Variants in LHFPL6 observed in about 807,000 individuals in gnomAD.
LHFPL6 encodes the protein LHFPL tetraspan subfamily member 6.
In LHFPL6, 9 loss-of-function variants were observed where a neutral mutation model predicts 20.6. The observed-to-expected ratio is 0.44, with a 90% CI of 0.26 to 0.76. The LOEUF (loss-of-function observed/expected upper bound fraction) is 0.76, where lower values mean the gene tolerates loss of function less well. Ranked by LOEUF, LHFPL6 falls within the 30% of genes least tolerant of loss-of-function variation. The probability of loss-of-function intolerance (pLI) is 0.20; values close to 1 mark genes in which losing one functional copy is unlikely to be tolerated. For synonymous variants in LHFPL6, 105 were observed against 98.7 expected, an observed-to-expected ratio of 1.06 and a Z score of -0.38; for missense variants, 218 against 253.5, an observed-to-expected ratio of 0.86 and a Z score of 0.95.
chr13:39,479,080 T>TAGACAGAC (rs1555264221), intron 2 of LHFPL6, among the ~76,000 whole-genome samples: 3 of 147,248 alleles, frequency 2.0e-5, no homozygotes, highest in Admixed American at 1.4e-4. Context: ...GATAGATAGA[T>TAGACAGAC]AGACAGACAT....
intron 2 of LHFPL6, among the ~76,000 whole-genome samples, chr13:39,597,696 G>C (rs2138554739): frequency 6.6e-6 from 1 of 152,286 alleles, no homozygotes; most frequent in East Asian, 1.9e-4. Context: ...TTTCTGTACA[G>C]ATTACCACAG....
chr13:39,385,318 C>A (rs767432480), intron 2 of LHFPL6, among the ~76,000 whole-genome samples: 14 of 152,148 alleles, frequency 9.2e-5, no homozygotes, highest in Non-Finnish European at 1.3e-4. Flanking sequence ...GAGTGCCCTG[C>A]GGTTTTTGGG....
At chr13:39,475,007 G>C (rs537690072) in intron 2 of LHFPL6, among the ~76,000 whole-genome samples, 3 of 152,314 alleles carry the variant, frequency 2.0e-5, no homozygotes, top group South Asian at 4.1e-4. Context: ...TGCTTTCCCA[G>C]AGAATTATAA....
chr13:39,484,543 C>T (rs1593331066), intron 2 of LHFPL6, among the ~76,000 whole-genome samples: 1 of 152,130 alleles, frequency 6.6e-6, no homozygotes, highest in African/African-American at 2.4e-5. Context: ...TTCCTTTGCT[C>T]CCCTCCCTTT....
At chr13:39,563,816 A>C (rs554329947) in intron 2 of LHFPL6, among the ~76,000 whole-genome samples, 8 of 152,286 alleles carry the variant, frequency 5.3e-5, no homozygotes, top group African/African-American at 1.9e-4. Context: ...GTACCAGCTA[A>C]CTCAGGGGAC....
intron 2 of LHFPL6, among the ~76,000 whole-genome samples, chr13:39,537,434 T>A (rs182657346): frequency 6.6e-6 from 1 of 152,240 alleles, no homozygotes; most frequent in Non-Finnish European, 1.5e-5. Context: ...GGCAGATTTA[T>A]CCTTACAGCT....
At chr13:39,543,448 G>GT (rs1410142788) in intron 2 of LHFPL6, among the ~76,000 whole-genome samples, 4 of 152,132 alleles carry the variant, frequency 2.6e-5, no homozygotes, top group African/African-American at 9.7e-5. Flanking sequence ...TCATGGTGCT[G>GT]GCACATAATA....
At chr13:39,515,211 A>G (rs1869866630) in intron 2 of LHFPL6, among the ~76,000 whole-genome samples, 1 of 152,234 alleles carries the variant, frequency 6.6e-6, no homozygotes, top group Admixed American at 6.5e-5. Flanking sequence ...TTCCACTCAC[A>G]AAGCAATCCA....
intron 2 of LHFPL6, among the ~76,000 whole-genome samples, chr13:39,463,460 T>C (rs945215597): frequency 3.3e-5 from 5 of 152,206 alleles, no homozygotes; most frequent in African/African-American, 1.2e-4. Flanking sequence ...TATAAAACTA[T>C]TCAGCATAAC....
rs74044051 is a variant in LHFPL6, at chr13:39,406,247, T to C, written c.386-27721A>G. ...CATTTGAGGAAGAATTGTGTCAGGA[T>C]AGTATCAATGTATGACTTTTTGTGC... On this transcript the variant is annotated intron_variant, in intron 2 of 3. Coordinates refer to ENST00000379589, the MANE Select transcript of LHFPL6 (RefSeq NM_005780.3). Among the ~76,000 whole-genome samples the C allele has an allele frequency of 3.8e-3, 584 of 152,328 alleles. 3 individuals are homozygous for C. The highest frequency in any genetic ancestry group is 0.014 in the African/African-American group (562 of 41,574).
intron 2 of LHFPL6, among the ~76,000 whole-genome samples, chr13:39,523,646 A>G (rs1428759565): frequency 6.6e-6 from 1 of 152,116 alleles, no homozygotes; most frequent in Non-Finnish European, 1.5e-5. Context: ...CTTCACTGGC[A>G]GTTCCAGAGA....
intron 2 of LHFPL6, among the ~76,000 whole-genome samples, chr13:39,536,763 A>G (rs1870632331): frequency 6.6e-6 from 1 of 152,178 alleles, no homozygotes; most frequent in South Asian, 2.1e-4. Flanking sequence ...TTCTACTTGA[A>G]CTAGTTTAAT....
At chr13:39,388,629 T>C (rs1870627318) in intron 2 of LHFPL6, among the ~76,000 whole-genome samples, 1 of 152,182 alleles carries the variant, frequency 6.6e-6, no homozygotes, top group Non-Finnish European at 1.5e-5. Context: ...GGTAACACCT[T>C]GAACATTTAT....
Position 39,343,890 on chromosome 13 carries a change from C to T in LHFPL6, c.*46G>A. 6.8e-7 allele frequency: 1 copy of T among 1,475,920 alleles called. No homozygotes were observed. The highest frequency in any genetic ancestry group is 9.5e-7 in the Non-Finnish European group (1 of 1,057,920). The allele number at this position is 1,475,920 out of a possible 1,614,324, so 91.4% of individuals were successfully genotyped here. A position where few individuals can be genotyped will look rare whatever the true frequency, so the allele number is the denominator to read the frequency against. On this transcript the variant is annotated 3_prime_UTR_variant, in exon 4 of 4. Coordinates refer to ENST00000379589, the MANE Select transcript of LHFPL6 (RefSeq NM_005780.3). ...AGGTGGATGTTTTGACCTCTCCAAGCCCCTTTGGCCCATCTTCTCCTCTGT... is the reference window on the plus strand; with the variant it reads ...AGGTGGATGTTTTGACCTCTCCAAGTCCCTTTGGCCCATCTTCTCCTCTGT...
chr13:39,426,476 T>C (rs1168691248), intron 2 of LHFPL6, among the ~76,000 whole-genome samples: 2 of 152,188 alleles, frequency 1.3e-5, no homozygotes, highest in Non-Finnish European at 2.9e-5. Context: ...CACCTCGGCC[T>C]TCCAAAGTGC....
At position 39,578,054 on chromosome 13, in the gene LHFPL6, A is replaced by C. The variant is rs527480766; in HGVS notation, c.385+22778T>G. ...GGCAGCTTGCCAGAAAAGACACGTTATCCATCAACCAAGACTGAATTGAAG... is the reference window on the plus strand; with the variant it reads ...GGCAGCTTGCCAGAAAAGACACGTTCTCCATCAACCAAGACTGAATTGAAG... On this transcript the variant is annotated intron_variant, in intron 2 of 3. Coordinates refer to ENST00000379589, the MANE Select transcript of LHFPL6 (RefSeq NM_005780.3). Among the ~76,000 whole-genome samples the C allele has an allele frequency of 5.3e-5, 8 of 152,358 alleles. No homozygotes were observed. In the South Asian group the frequency reaches 1.7e-3, roughly 32 times the overall value.
At chr13:39,439,540 G>C (rs1056069590) in intron 2 of LHFPL6, among the ~76,000 whole-genome samples, 9 of 152,104 alleles carry the variant, frequency 5.9e-5, no homozygotes, top group African/African-American at 2.2e-4. Context: ...GGAGGGGTCT[G>C]GGATATAATA....
chr13:39,506,017 C>T (rs951262894), intron 2 of LHFPL6, among the ~76,000 whole-genome samples: 14 of 152,234 alleles, frequency 9.2e-5, no homozygotes, highest in Non-Finnish European at 1.8e-4. Context: ...CAGATAAAGC[C>T]TGCATTCAAA....
At chr13:39,418,376 T>C (rs1023601965) in intron 2 of LHFPL6, among the ~76,000 whole-genome samples, 1 of 60,660 alleles carries the variant, frequency 1.6e-5, no homozygotes, top group Non-Finnish European at 3.5e-5. Context: ...GTAAAGTTTT[T>C]TTGGTCTTTT....
Sources: gnomAD v4.1 joint callset for allele counts (sites outside exome capture counted in the v4.1 genomes callset) on GRCh38, gnomAD v4.1.1 for gene constraint, MANE v1.5 for transcripts, NCBI Gene and HGNC (gene_info 2026-07-23, HGNC 2026-07-21) for gene names.